DCT: variants seen among roughly 807,000 people sequenced by gnomAD.
DCT encodes L-dopachrome tautomerase.
In DCT, 47 loss-of-function variants were observed where a neutral mutation model predicts 53.0. That is an observed-to-expected ratio of 0.89 (90% CI 0.70 to 1.13). The LOEUF is 1.13. Ranked by LOEUF, DCT falls within the 50% of genes most tolerant of loss-of-function variation. The pLI, the probability that DCT is intolerant of heterozygous loss-of-function variation, is 0.00. For missense variants in DCT, 669 were observed against 637.4 expected (o/e 1.05, Z -0.53); for synonymous variants, 244 against 237.0 (o/e 1.03, Z -0.27).
chr13:94,509,416 T>C, the DCT span, among the ~76,000 whole-genome samples: 56,792 of 146,740 alleles, frequency 0.39, 11,230 homozygotes, highest in East Asian at 0.62. Flanking sequence ...CCCCACACCA[T>C]CACCCCCTCC....
At position 94,466,584 on chromosome 13, in the gene DCT, A is replaced by G; in HGVS notation, c.670T>C (p.Leu224=). The change falls in exon 3 of 8, where the codon TTG becomes CTG. Residue 224 remains leucine, a synonymous_variant. Coordinates refer to ENST00000377028, the MANE Select transcript of DCT (RefSeq NM_001922.5). The part of the protein sequence containing the change: ...PAFVTWHRYH[L]LCLERDLQRL... ...TGGAGATCTCTTTCCAGACACAACA[A>G]ATGGTACCGGTGCCAGGTAACAAAT... The G allele has an allele frequency of 4.3e-6, 7 of 1,611,386 alleles. No homozygotes were observed. The highest frequency in any genetic ancestry group is 5.9e-6 in the Non-Finnish European group (7 of 1,178,530).
chr13:94,526,996 C>T, the DCT span, among the ~76,000 whole-genome samples: 5 of 152,078 alleles, frequency 3.3e-5, no homozygotes, highest in Admixed American at 6.5e-5. Flanking sequence ...GTGGGTGCCA[C>T]GCCCATGGAG....
the DCT span, among the ~76,000 whole-genome samples, chr13:94,524,138 G>A: frequency 1.3e-5 from 2 of 152,102 alleles, no homozygotes; most frequent in Admixed American, 6.5e-5. Flanking sequence ...AACTCAAGCC[G>A]AGCTATGACC....
At chr13:94,520,598 A>T in the DCT span, among the ~76,000 whole-genome samples, 3 of 152,196 alleles carry the variant, frequency 2.0e-5, no homozygotes, top group Admixed American at 6.5e-5. Flanking sequence ...AAAAATATTA[A>T]ATGATTCCCC....
At chr13:94,493,093 G>A in the DCT span, among the ~76,000 whole-genome samples, 1 of 152,136 alleles carries the variant, frequency 6.6e-6, no homozygotes, top group Admixed American at 6.6e-5. Flanking sequence ...CAAGACAAGA[G>A]AGACTCTTTT....
chr13:94,505,709 T>A, the DCT span, among the ~76,000 whole-genome samples: 1 of 152,176 alleles, frequency 6.6e-6, no homozygotes, highest in African/African-American at 2.4e-5. Flanking sequence ...ACTTTGTGAG[T>A]TTGTATAAAA....
At chr13:94,520,626 C>T in the DCT span, among the ~76,000 whole-genome samples, 2 of 152,134 alleles carry the variant, frequency 1.3e-5, no homozygotes, top group Non-Finnish European at 2.9e-5. Context: ...ATCAACCTAG[C>T]CTGCCTTCCT....
At position 94,439,901 on chromosome 13, in the gene DCT, G is replaced by T. The variant is rs755674670; in HGVS notation, c.1557C>A (p.Ala519=). The change falls in exon 8 of 8, where the codon GCC becomes GCA. Residue 519 remains alanine (A), a synonymous_variant. Transcript: ENST00000377028. ...TCTTAGGTAAGGCATGAGCACCCTA[G>T]GCTTCTTCTGTGTATCTCTTGCTGC... ...HLSSKRYTEE[A] is the part of the protein sequence containing the mutation. 3 of 1,612,914 alleles carry T rather than the reference G, an allele frequency of 1.9e-6. No homozygotes were observed. The Admixed American group carries it at 5.0e-5, about 27-fold the overall frequency.
chr13:94,472,053 ATAATT>A (rs1884677348), intron 1 of DCT, among the ~76,000 whole-genome samples: 1 of 152,216 alleles, frequency 6.6e-6, no homozygotes, highest in African/African-American at 2.4e-5. Context: ...ATTTATAATA[ATAATT>A]TAATACCTTT....
the DCT span, among the ~76,000 whole-genome samples, chr13:94,528,472 T>G: frequency 6.6e-6 from 1 of 151,950 alleles, no homozygotes; most frequent in Non-Finnish European, 1.5e-5. Flanking sequence ...CAGAAGAGAG[T>G]GGGGGCCAAT....
In DCT at chr13:94,439,928, T is replaced by C. The variant is rs1215387592; in HGVS notation, c.1530A>G (p.Leu510=). The change falls in exon 8 of 8, where the codon TTA becomes TTG. Residue 510 remains leucine (L), a synonymous_variant. Transcript: ENST00000377028. ...KGYTPLMETH[L]SSKRYTEEA ...CTTCTTCTGTGTATCTCTTGCTGCT[T>C]AAATGTGTCTCCATTAGGGGTGTAT... 1.9e-6 allele frequency: 3 copies of C among 1,613,944 alleles called. No individual in the cohort carries two copies. The highest frequency in any genetic ancestry group is 2.5e-6 in the Non-Finnish European group (3 of 1,179,896).
the DCT span, among the ~76,000 whole-genome samples, chr13:94,519,660 A>C: frequency 2.0e-5 from 3 of 152,222 alleles, no homozygotes; most frequent in Non-Finnish European, 2.9e-5. Flanking sequence ...TCCCAGCTAC[A>C]CATTGGTAGG....
chr13:94,488,152 A>G, the DCT span, among the ~76,000 whole-genome samples: 1 of 151,902 alleles, frequency 6.6e-6, no homozygotes, highest in South Asian at 2.1e-4. Flanking sequence ...ATGAGTATTC[A>G]ATTTGGATTT....
At chr13:94,528,372 G>A in the DCT span, among the ~76,000 whole-genome samples, 1 of 152,166 alleles carries the variant, frequency 6.6e-6, no homozygotes, top group African/African-American at 2.4e-5. Flanking sequence ...GGAAAAAAAT[G>A]TTAAGGGCAC....
intron 1 of DCT, among the ~76,000 whole-genome samples, chr13:94,475,734 T>C (rs1885031865): frequency 1.3e-5 from 2 of 152,226 alleles, no homozygotes; most frequent in African/African-American, 2.4e-5. Context: ...TTGGAGATGA[T>C]GAATATGTTC....
At chr13:94,505,021 G>A in the DCT span, among the ~76,000 whole-genome samples, 1 of 151,970 alleles carries the variant, frequency 6.6e-6, no homozygotes, top group African/African-American at 2.4e-5. Context: ...CAGCATTTCA[G>A]CAACAGAGTG....
chr13:94,463,285 CTTTTT>C (rs34241046), intron 4 of DCT, among the ~76,000 whole-genome samples: 3 of 131,358 alleles, frequency 2.3e-5, no homozygotes, highest in African/African-American at 5.8e-5. Flanking sequence ...TACTGGCTAA[CTTTTT>C]TTTTTTTTTT....
the DCT span, among the ~76,000 whole-genome samples, chr13:94,490,520 A>AAAAAAAAAACAAAAC: frequency 6.9e-6 from 1 of 144,780 alleles, no homozygotes. Context: ...AAAAAAAAAA[A>AAAAAAAAAACAAAAC]AAAAAAAAAA....
At chr13:94,504,588 C>T in the DCT span, among the ~76,000 whole-genome samples, 72 of 152,118 alleles carry the variant, frequency 4.7e-4, no homozygotes, top group Non-Finnish European at 8.7e-4. Context: ...AGGCTGGTCT[C>T]GAACTCCTGA....
Sources: allele counts gnomAD v4.1 joint callset (sites outside exome capture counted in the v4.1 genomes callset), GRCh38; gene constraint gnomAD v4.1.1; transcripts MANE v1.5; gene names NCBI Gene and HGNC (gene_info 2026-07-23, HGNC 2026-07-21).